MIPOL1: variants seen among roughly 807,000 people sequenced by gnomAD.
MIPOL1 encodes the protein mirror-image polydactyly gene 1 protein.
Under a neutral mutation model 60.9 loss-of-function variants are expected in MIPOL1, and 57 were observed. That is an observed-to-expected ratio of 0.94 (90% CI 0.76 to 1.17). MIPOL1 has a LOEUF of 1.17. Among genes scored for constraint, MIPOL1 ranks in the 50% most tolerant of loss-of-function variants. The pLI is 0.00. For missense variants in MIPOL1, 551 were observed against 511.6 expected (o/e 1.08, Z -0.74); for synonymous variants, 179 against 168.8 (o/e 1.06, Z -0.47).
chr14:37,429,210 A>T (rs1179915467), intron 11 of MIPOL1, among the ~76,000 whole-genome samples: 1 of 152,182 alleles, frequency 6.6e-6, no homozygotes, highest in Non-Finnish European at 1.5e-5. Context: ...TAATAATAAC[A>T]AACTCTTTTC....
intron 12 of MIPOL1, chr14:37,504,265 A>T (rs892199543): frequency 6.6e-6 from 1 of 152,218 alleles, no homozygotes; most frequent in Non-Finnish European, 1.5e-5. Context: ...CCTAATAGAC[A>T]TCTACAGAAC....
At chr14:37,360,588 T>A (rs974247740) in intron 9 of MIPOL1, among the ~76,000 whole-genome samples, 2 of 152,340 alleles carry the variant, frequency 1.3e-5, no homozygotes, top group Admixed American at 1.3e-4. Flanking sequence ...CTTCTAGATT[T>A]TCTAGTTTAT....
intron 11 of MIPOL1, among the ~76,000 whole-genome samples, chr14:37,448,116 A>C (rs2094364283): frequency 6.6e-6 from 1 of 152,202 alleles, no homozygotes; most frequent in African/African-American, 2.4e-5. Context: ...ACCAAAACGA[A>C]AATATTTCTC....
chr14:37,401,920 C>G (rs888770971), intron 10 of MIPOL1: 3 of 151,904 alleles, frequency 2.0e-5, no homozygotes, highest in African/African-American at 7.3e-5. Flanking sequence ...TAAATTATTC[C>G]AAATACACTA....
At position 37,364,175 on chromosome 14, in the gene MIPOL1, G is replaced by A. The variant is rs180823171; in HGVS notation, c.829-5342G>A. On this transcript the variant is annotated intron_variant, in intron 9 of 12. Transcript: ENST00000684589. ...TAACCAATCCCAATGAGATGAACTGGGTACTTTAGTTGGAAATGCAGAAAT... is the reference window on the plus strand; with the variant it reads ...TAACCAATCCCAATGAGATGAACTGAGTACTTTAGTTGGAAATGCAGAAAT... Among the ~76,000 whole-genome samples, 464 of 152,238 alleles carry A rather than the reference G, an allele frequency of 3.0e-3. 3 individuals are homozygous for A. Among genetic ancestry groups the A allele is most frequent in the African/African-American group, 9.5e-3 (395 of 41,538 alleles).
intron 12 of MIPOL1, chr14:37,506,811 A>G (rs1237143916): frequency 6.6e-6 from 1 of 152,206 alleles, no homozygotes; most frequent in Non-Finnish European, 1.5e-5. Context: ...TGAACAGGCA[A>G]CCTACAGAAT....
intron 10 of MIPOL1, among the ~76,000 whole-genome samples, chr14:37,382,967 A>G (rs1016239425): frequency 1.1e-4 from 17 of 151,876 alleles, no homozygotes; most frequent in African/African-American, 3.6e-4. Context: ...TTTTGTATTT[A>G]TATTAAATTT....
chr14:37,230,111 A>G (rs1970386903), intron 1 of MIPOL1, among the ~76,000 whole-genome samples: 1 of 152,208 alleles, frequency 6.6e-6, no homozygotes. Context: ...GCATATGTTA[A>G]TTAGCTTGAT....
At chr14:37,344,311 T>G (rs938285211) in intron 9 of MIPOL1, among the ~76,000 whole-genome samples, 24 of 152,192 alleles carry the variant, frequency 1.6e-4, no homozygotes, top group African/African-American at 5.8e-4. Context: ...TGGAATTTAT[T>G]TTTTAAATAA....
chr14:37,286,151 G>T (rs2084546609), intron 7 of MIPOL1, among the ~76,000 whole-genome samples: 1 of 151,898 alleles, frequency 6.6e-6, no homozygotes, highest in Admixed American at 6.6e-5. Context: ...GTTCTTTACT[G>T]CTTTTTACTT....
chr14:37,506,963 CA>C (rs2095282953), intron 12 of MIPOL1: 1 of 152,094 alleles, frequency 6.6e-6, no homozygotes, highest in Non-Finnish European at 1.5e-5. Context: ...AGACCCTTCT[CA>C]AAAGAAGATA....
At chr14:37,511,603 T>C (rs957973733) in intron 12 of MIPOL1, among the ~76,000 whole-genome samples, 3 of 152,228 alleles carry the variant, frequency 2.0e-5, no homozygotes, top group African/African-American at 7.2e-5. Context: ...TGCTATAGTT[T>C]CGTTTCCATC....
At chr14:37,343,603 G>A (rs949627002) in intron 9 of MIPOL1, among the ~76,000 whole-genome samples, 1 of 152,144 alleles carries the variant, frequency 6.6e-6, no homozygotes, top group African/African-American at 2.4e-5. Flanking sequence ...AAAGCAGATT[G>A]TGCAGGAGGA....
intron 12 of MIPOL1, among the ~76,000 whole-genome samples, chr14:37,509,753 A>G (rs959203052): frequency 2.6e-5 from 4 of 151,406 alleles, no homozygotes; most frequent in African/African-American, 7.3e-5. Flanking sequence ...CACATGTGAT[A>G]CACATACATG....
In MIPOL1 at chr14:37,231,735, G is replaced by T. The variant is rs78621004; in HGVS notation, c.-198-15368G>T. On this transcript the variant is annotated intron_variant, in intron 1 of 12. Coordinates refer to ENST00000684589, the MANE Select transcript of MIPOL1 (RefSeq NM_001388067.1). ...TGAATGTTTTGGAACAATCAGTAAA[G>T]GTTAATCACTAAAAAAAAATTACTA... Among the ~76,000 whole-genome samples, 69 of 152,116 alleles carry T rather than the reference G, an allele frequency of 4.5e-4. 1 individual carries two copies. Among genetic ancestry groups the T allele is most frequent in the African/African-American group, 1.6e-3 (65 of 41,502 alleles).
At chr14:37,365,642 C>T (rs1282492795) in intron 9 of MIPOL1, among the ~76,000 whole-genome samples, 1 of 152,064 alleles carries the variant, frequency 6.6e-6, no homozygotes, top group East Asian at 1.9e-4. Flanking sequence ...CATCAATATG[C>T]ATCAGAGATA....
At chr14:37,199,671 C>A (rs1964910002) in intron 1 of MIPOL1, among the ~76,000 whole-genome samples, 1 of 152,004 alleles carries the variant, frequency 6.6e-6, no homozygotes, top group Admixed American at 6.6e-5. Flanking sequence ...ACTACAGGTG[C>A]CTACCACCAC....
chr14:37,488,622 G>A lies in MIPOL1; in HGVS notation c.1032-11286G>A, dbSNP rs554808605. ...GTGCTTCGTACAGGAGCTCTTGTGA[G>A]GCACACCTGGTGATGACAAAAATCT... On this transcript the variant is annotated intron_variant, in intron 11 of 12. Coordinates refer to ENST00000684589, the MANE Select transcript of MIPOL1 (RefSeq NM_001388067.1). Among the ~76,000 whole-genome samples the A allele has an allele frequency of 3.3e-5, 5 of 152,096 alleles. No individual in the cohort carries two copies. The South Asian group carries it at 1.0e-3, about 31-fold the overall frequency.
chr14:37,340,553 T>C (rs1327697251), intron 9 of MIPOL1, among the ~76,000 whole-genome samples: 2 of 151,882 alleles, frequency 1.3e-5, no homozygotes, highest in Admixed American at 6.6e-5. Flanking sequence ...CTACAAAAAA[T>C]GCAGAAATTA....
Sources: allele counts gnomAD v4.1 joint callset (sites outside exome capture counted in the v4.1 genomes callset), GRCh38; gene constraint gnomAD v4.1.1; transcripts MANE v1.5; gene names NCBI Gene and HGNC (gene_info 2026-07-23, HGNC 2026-07-21).